Variants in NFIB observed in about 807,000 individuals in gnomAD.
NFIB encodes the protein nuclear factor I B, also known as nuclear factor 1 B-type.
Under a neutral mutation model 61.5 loss-of-function variants are expected in NFIB, and 11 were observed. The ratio of observed to expected loss-of-function variants is 0.18; its 90% confidence interval spans 0.11 to 0.30. The LOEUF is 0.30. NFIB is among the 10% of genes least tolerant of loss of function. NFIB has a pLI of 1.00. For missense variants in NFIB, 471 were observed against 608.9 expected (o/e 0.77, Z 2.38); for synonymous variants, 260 against 216.5 (o/e 1.20, Z -1.76).
the NFIB span, among the ~76,000 whole-genome samples, chr9:14,484,586 ATG>A: frequency 6.6e-6 from 1 of 152,246 alleles, no homozygotes; most frequent in East Asian, 1.9e-4. Flanking sequence ...AAACATAGGT[ATG>A]TGTGAATTCA....
At chr9:14,503,088 GTATATATA>G in the NFIB span, among the ~76,000 whole-genome samples, 3 of 147,370 alleles carry the variant, frequency 2.0e-5, no homozygotes, top group African/African-American at 7.5e-5. Context: ...GTATTTTATG[GTATATATA>G]TATATATATA....
At chr9:14,318,704 T>C (rs1207693908), upstream of NFIB, among the ~76,000 whole-genome samples, 2 of 152,038 alleles carry the variant, frequency 1.3e-5, no homozygotes, top group Non-Finnish European at 2.9e-5. Flanking sequence ...TCTTTCCTTT[T>C]TCCAAATGAA....
intron 2 of NFIB, among the ~76,000 whole-genome samples, chr9:14,192,801 T>A (rs750110507): frequency 3.9e-5 from 6 of 152,214 alleles, no homozygotes; most frequent in Non-Finnish European, 8.8e-5. Flanking sequence ...GCTTTTCATC[T>A]ATTCTAACAT....
At position 14,396,280 on chromosome 9, in the gene NFIB, C is replaced by G. The variant is rs191242228; in HGVS notation, c.108+2244G>C. Among the ~76,000 whole-genome samples, 243 of 151,990 alleles carry G rather than the reference C, an allele frequency of 1.6e-3. 2 individuals carry two copies. The highest frequency in any genetic ancestry group is 5.5e-3 in the African/African-American group (228 of 41,448). ...ACATTGGCTAAATCACCTTATTACA[C>G]TTCCATATAGTTGAAAAGAGGCTTA... On this transcript the variant is annotated intron_variant, in intron 1 of 8. Coordinates refer to the NFIB transcript ENST00000380934.
chr9:14,174,070 C>G (rs2045874893), intron 3 of NFIB, among the ~76,000 whole-genome samples: 1 of 152,128 alleles, frequency 6.6e-6, no homozygotes, highest in East Asian at 1.9e-4. Context: ...TCTTCCTTTA[C>G]TCTGAATCCT....
chr9:14,116,045 A>G (rs2038085372), intron 9 of NFIB, 163 bp downstream of exon 9: 1 of 783,078 alleles, frequency 1.3e-6, no homozygotes, highest in Admixed American at 4.2e-5. Context: ...GGCCACATCC[A>G]TGCCTGCTAG....
the NFIB span, among the ~76,000 whole-genome samples, chr9:14,492,651 A>C: frequency 6.6e-6 from 1 of 152,088 alleles, no homozygotes; most frequent in Non-Finnish European, 1.5e-5. Flanking sequence ...AATATCACCA[A>C]AGGGATGGTG....
intron 10 of NFIB, among the ~76,000 whole-genome samples, chr9:14,101,735 G>T (rs1425730248): frequency 2.6e-5 from 4 of 152,172 alleles, no homozygotes; most frequent in African/African-American, 4.8e-5. Context: ...ACTTTCTAAA[G>T]GCAATGCATG....
At chr9:14,128,576 T>C (rs924762284) in intron 6 of NFIB, among the ~76,000 whole-genome samples, 2 of 151,278 alleles carry the variant, frequency 1.3e-5, no homozygotes, top group African/African-American at 4.9e-5. Context: ...TGGGCACCTA[T>C]AATCCTAGCT....
intron 2 of NFIB, among the ~76,000 whole-genome samples, chr9:14,216,564 G>C (rs979667645): frequency 5.4e-5 from 8 of 149,134 alleles, no homozygotes; most frequent in African/African-American, 1.5e-4. Context: ...GTGTGTGTGT[G>C]TGTGTGTGTG....
chr9:14,264,463 G>A (rs538274424), intron 2 of NFIB, among the ~76,000 whole-genome samples: 1 of 152,202 alleles, frequency 6.6e-6, no homozygotes, highest in South Asian at 2.1e-4. Context: ...AGAAACCAAA[G>A]GAACCCCTAC....
chr9:14,204,690 A>G (rs764721246), intron 2 of NFIB: 2 of 622,560 alleles, frequency 3.2e-6, no homozygotes, highest in African/African-American at 1.8e-5. Flanking sequence ...TTGGTGTAGA[A>G]TAAGAAAGCT....
chr9:14,266,906 A>C (rs762374360), intron 2 of NFIB, among the ~76,000 whole-genome samples: 4 of 152,232 alleles, frequency 2.6e-5, no homozygotes, highest in Non-Finnish European at 2.9e-5. Context: ...CAAAAGTTTC[A>C]ATAATCCACT....
intron 2 of NFIB, among the ~76,000 whole-genome samples, chr9:14,259,006 G>A (rs543501280): frequency 6.6e-6 from 1 of 152,226 alleles, no homozygotes; most frequent in African/African-American, 2.4e-5. Context: ...ATTAATAATA[G>A]TTCTATGGGG....
chr9:14,129,934 G>A (rs542313896), intron 6 of NFIB, among the ~76,000 whole-genome samples: 3 of 152,312 alleles, frequency 2.0e-5, no homozygotes, highest in Non-Finnish European at 4.4e-5. Flanking sequence ...AGGGAGGCAG[G>A]AGTTGCTGGT....
the NFIB span, among the ~76,000 whole-genome samples, chr9:14,468,969 G>A: frequency 4.6e-5 from 7 of 152,192 alleles, no homozygotes; most frequent in South Asian, 2.1e-4. Flanking sequence ...AATCCTAACC[G>A]TGTGCTCCAC....
intron 2 of NFIB, among the ~76,000 whole-genome samples, chr9:14,232,128 C>T (rs554980204): frequency 2.6e-5 from 4 of 152,044 alleles, no homozygotes; most frequent in South Asian, 2.1e-4. Context: ...AAAGGTGTAG[C>T]GAGGGAAGGA....
the NFIB span, among the ~76,000 whole-genome samples, chr9:14,469,967 G>A: frequency 2.6e-5 from 4 of 152,104 alleles, no homozygotes; most frequent in Non-Finnish European, 5.9e-5. Context: ...ATTTTCCATT[G>A]TGTGTGTGTG....
chr9:14,225,440 G>C (rs1294527124), intron 2 of NFIB, among the ~76,000 whole-genome samples: 2 of 107,954 alleles, frequency 1.9e-5, no homozygotes, highest in Non-Finnish European at 3.6e-5. Flanking sequence ...CTGGGCGACA[G>C]AGCGAGACTC....
Sources: gnomAD v4.1 joint callset for allele counts (sites outside exome capture counted in the v4.1 genomes callset) on GRCh38, gnomAD v4.1.1 for gene constraint, MANE v1.5 for transcripts, NCBI Gene and HGNC (gene_info 2026-07-23, HGNC 2026-07-21) for gene names.